Variants in UNC5B observed in about 807,000 individuals in gnomAD.
The protein encoded by UNC5B is netrin receptor UNC5B.
In UNC5B, 56 loss-of-function variants were observed where a neutral mutation model predicts 103.7. The observed-to-expected ratio is 0.54, with a 90% CI of 0.44 to 0.67. UNC5B has a LOEUF of 0.67. UNC5B is among the 30% of genes least tolerant of loss of function. The probability of loss-of-function intolerance (pLI) is 0.00; values close to 1 mark genes in which losing one functional copy is unlikely to be tolerated. For missense variants in UNC5B, 1,194 were observed against 1,284.5 expected, an observed-to-expected ratio of 0.93 and a Z score of 1.08; for synonymous variants, 577 against 542.0, an observed-to-expected ratio of 1.06 and a Z score of -0.90.
At chr10:71,228,894 C>G (rs578246945) in intron 1 of UNC5B, among the ~76,000 whole-genome samples, 3 of 152,312 alleles carry the variant, frequency 2.0e-5, no homozygotes, top group Admixed American at 6.5e-5. Flanking sequence ...CTTTTAGTGT[C>G]AGGGCCTCAT....
chr10:71,271,252 C>T (rs1244518303), intron 1 of UNC5B, among the ~76,000 whole-genome samples: 4 of 152,304 alleles, frequency 2.6e-5, no homozygotes, highest in South Asian at 4.1e-4. Context: ...GCCTCGTTTT[C>T]GCATCTGTAA....
rs1238039174 is a variant in UNC5B, at chr10:71,301,271, A to G, written c.*1994A>G. The G allele has an allele frequency of 6.6e-6, 1 of 152,258 alleles. No homozygotes were observed. Among genetic ancestry groups the G allele is most frequent in the Non-Finnish European group, 1.5e-5 (1 of 68,090 alleles). The allele number at this position is 152,258 out of a possible 1,614,324, so 9.4% of individuals were successfully genotyped here. On this transcript the variant is annotated 3_prime_UTR_variant, in exon 17 of 17. Coordinates refer to ENST00000335350, the MANE Select transcript of UNC5B (RefSeq NM_170744.5). The stretch of plus-strand genomic sequence containing the variant: ...GCGTCCCCAGCCTGGCTTCCCTGCC[A>G]TGGACTCAGTAGCTCGTGGGGCTTC...
intron 1 of UNC5B, among the ~76,000 whole-genome samples, chr10:71,235,139 A>G (rs1269714108): frequency 6.6e-6 from 1 of 152,108 alleles, no homozygotes; most frequent in Non-Finnish European, 1.5e-5. Context: ...CCCGCCCCAG[A>G]AGATAAGGAT....
chr10:71,226,716 G>C (rs535896387), intron 1 of UNC5B, among the ~76,000 whole-genome samples: 26 of 152,294 alleles, frequency 1.7e-4, no homozygotes, highest in Admixed American at 2.6e-4. Context: ...ATGCAAGAGT[G>C]GTTCCAAATG....
chr10:71,287,590 C>T lies in UNC5B; in HGVS notation c.734-8C>T. On this transcript the variant is annotated splice_polypyrimidine_tract_variant and splice_region_variant and intron_variant, in intron 5 of 16. Transcript: ENST00000335350. ...CAAGCCATCCAGTTGACAGCTGCCG[C>T]CTTGCAGTGAATGGCGGCTGGTCCA... 1 of 1,591,688 alleles carries T rather than the reference C, an allele frequency of 6.3e-7. No individual in the cohort carries two copies. The highest frequency in any genetic ancestry group is 8.6e-7 in the Non-Finnish European group (1 of 1,168,888).
intron 1 of UNC5B, among the ~76,000 whole-genome samples, chr10:71,251,796 A>G (rs1291286262): frequency 2.0e-5 from 3 of 152,190 alleles, no homozygotes; most frequent in Non-Finnish European, 2.9e-5. Context: ...TGAAGCACAC[A>G]CAGGGAAGAA....
intron 1 of UNC5B, among the ~76,000 whole-genome samples, chr10:71,275,033 G>A (rs1641523509): frequency 6.6e-6 from 1 of 152,198 alleles, no homozygotes. Flanking sequence ...GGGCCTGGGA[G>A]AGAATGGCCA....
chr10:71,256,653 T>C (rs906004406), intron 1 of UNC5B, among the ~76,000 whole-genome samples: 3 of 152,182 alleles, frequency 2.0e-5, no homozygotes, highest in Non-Finnish European at 2.9e-5. Context: ...GACTGGCTTC[T>C]CCAGGGCCCC....
chr10:71,214,630 G>A (rs1483350327), intron 1 of UNC5B, among the ~76,000 whole-genome samples: 5 of 152,128 alleles, frequency 3.3e-5, no homozygotes, highest in Non-Finnish European at 5.9e-5. Context: ...CATGGGCAGG[G>A]TTGTGTCTTG....
chr10:71,245,682 T>A (rs1471040119), intron 1 of UNC5B, among the ~76,000 whole-genome samples: 1 of 152,200 alleles, frequency 6.6e-6, no homozygotes, highest in African/African-American at 2.4e-5. Flanking sequence ...TTTGGGCCAG[T>A]CCTAGATCTG....
chr10:71,231,204 C>T (rs1843675836), intron 1 of UNC5B, among the ~76,000 whole-genome samples: 2 of 152,228 alleles, frequency 1.3e-5, no homozygotes, highest in Non-Finnish European at 2.9e-5. Flanking sequence ...GCCATTGTGA[C>T]ACCCACTGGC....
chr10:71,239,469 A>G (rs1441231443), intron 1 of UNC5B, among the ~76,000 whole-genome samples: 3 of 152,228 alleles, frequency 2.0e-5, no homozygotes, highest in East Asian at 3.9e-4. Context: ...GGGGCTCCTC[A>G]TGCATGTCAC....
intron 1 of UNC5B, among the ~76,000 whole-genome samples, chr10:71,276,731 G>T (rs1405902953): frequency 6.6e-6 from 1 of 152,226 alleles, no homozygotes; most frequent in Non-Finnish European, 1.5e-5. Flanking sequence ...ACTGCGCCCG[G>T]CCTACTCCCT....
In UNC5B at chr10:71,245,539, A is replaced by G. The variant is rs749418351; in HGVS notation, c.79+32475A>G. ...TCTGGGTGGGCTGGCGGGGAGAGGCAGCCCAGCTAGTCTCTGATGTGGGGA... is the reference window on the plus strand; with the variant it reads ...TCTGGGTGGGCTGGCGGGGAGAGGCGGCCCAGCTAGTCTCTGATGTGGGGA... On this transcript the variant is annotated intron_variant, in intron 1 of 16. Transcript: ENST00000335350. 2.0e-5 allele frequency among the ~76,000 whole-genome samples: 3 copies of G among 152,108 alleles called. No individual in the cohort carries two copies. The South Asian group carries it at 6.2e-4, about 32-fold the overall frequency.
chr10:71,260,315 C>T (rs1235937291), intron 1 of UNC5B, among the ~76,000 whole-genome samples: 2 of 152,236 alleles, frequency 1.3e-5, no homozygotes, highest in Non-Finnish European at 2.9e-5. Flanking sequence ...CCCCACAACC[C>T]TAGGGAGGAG....
At chr10:71,225,385 C>G (rs1222442762) in intron 1 of UNC5B, among the ~76,000 whole-genome samples, 1 of 152,238 alleles carries the variant, frequency 6.6e-6, no homozygotes, top group Non-Finnish European at 1.5e-5. Context: ...GCCCATTTCC[C>G]TGGCACCTCC....
chr10:71,253,300 C>T (rs960550301), intron 1 of UNC5B, among the ~76,000 whole-genome samples: 2 of 152,220 alleles, frequency 1.3e-5, no homozygotes, highest in Non-Finnish European at 2.9e-5. Context: ...CTTAGTGATG[C>T]TGGCCACCCT....
At chr10:71,294,523 G>A (rs573404227) in intron 13 of UNC5B, among the ~76,000 whole-genome samples, 1 of 152,148 alleles carries the variant, frequency 6.6e-6, no homozygotes, top group Non-Finnish European at 1.5e-5. Context: ...GATGAGAGGT[G>A]GAGAGGCCTG....
intron 1 of UNC5B, among the ~76,000 whole-genome samples, chr10:71,278,880 G>A (rs905615717): frequency 6.6e-6 from 1 of 152,248 alleles, no homozygotes; most frequent in African/African-American, 2.4e-5. Context: ...ATTTGGCACT[G>A]GAAAATTCAT....
Sources: gnomAD v4.1 joint callset for allele counts (sites outside exome capture counted in the v4.1 genomes callset) on GRCh38, gnomAD v4.1.1 for gene constraint, MANE v1.5 for transcripts, NCBI Gene and HGNC (gene_info 2026-07-23, HGNC 2026-07-21) for gene names.